RPTOR: variants seen among roughly 807,000 people sequenced by gnomAD.
RPTOR encodes the protein regulatory associated protein of MTOR complex 1.
RPTOR carries 21 observed loss-of-function variants against 169.9 expected under a neutral mutation model. The ratio of observed to expected loss-of-function variants is 0.12; its 90% confidence interval spans 0.09 to 0.18. The LOEUF (loss-of-function observed/expected upper bound fraction) is 0.18. Ranked by LOEUF, RPTOR falls within the 10% of genes least tolerant of loss-of-function variation. The probability of loss-of-function intolerance (pLI) is 1.00; values close to 1 mark genes in which losing one functional copy is unlikely to be tolerated. For missense variants in RPTOR, 1,133 were observed against 1,855.9 expected (o/e 0.61, Z 7.16); for synonymous variants, 732 against 753.2 (o/e 0.97, Z 0.46).
At chr17:80,714,953 C>T (rs1380509790) in intron 4 of RPTOR, among the ~76,000 whole-genome samples, 1 of 152,282 alleles carries the variant, frequency 6.6e-6, no homozygotes, top group Admixed American at 6.5e-5. Flanking sequence ...AAACCCCTGA[C>T]GTCAAGTGAT....
chr17:80,776,384 C>T (rs891998970), intron 6 of RPTOR, among the ~76,000 whole-genome samples: 2 of 129,636 alleles, frequency 1.5e-5, no homozygotes, highest in Middle Eastern at 5.7e-3. Context: ...AGTGCAGTGG[C>T]GTGATCTCGG....
intron 28 of RPTOR, among the ~76,000 whole-genome samples, chr17:80,955,324 C>T (rs979906419): frequency 6.6e-6 from 1 of 152,350 alleles, no homozygotes; most frequent in Middle Eastern, 3.4e-3. Context: ...TACCTCTGCG[C>T]ACTAGGGAAG....
chr17:80,846,990 T>A (rs2067738491), intron 11 of RPTOR, among the ~76,000 whole-genome samples: 1 of 152,198 alleles, frequency 6.6e-6, no homozygotes, highest in Admixed American at 6.5e-5. Context: ...CTCCTTCTCT[T>A]GGGAAGGACA....
intron 3 of RPTOR, among the ~76,000 whole-genome samples, chr17:80,678,917 C>G (rs1400124094): frequency 6.6e-6 from 1 of 152,222 alleles, no homozygotes; most frequent in Non-Finnish European, 1.5e-5. Context: ...GTGGCTTTCA[C>G]TGCTGTGTGG....
At chr17:80,832,392 G>C (rs991600760) in intron 9 of RPTOR, among the ~76,000 whole-genome samples, 2 of 152,180 alleles carry the variant, frequency 1.3e-5, no homozygotes, top group Non-Finnish European at 2.9e-5. Context: ...TCAGGCCTGG[G>C]GGACAGACTT....
chr17:80,712,523 C>T (rs2066203713), intron 4 of RPTOR, among the ~76,000 whole-genome samples: 1 of 152,162 alleles, frequency 6.6e-6, no homozygotes, highest in Non-Finnish European at 1.5e-5. Context: ...AATTACTGAG[C>T]AATACTCTAC....
chr17:80,938,479 T>G (rs2068982348), intron 24 of RPTOR, among the ~76,000 whole-genome samples: 1 of 152,248 alleles, frequency 6.6e-6, no homozygotes, highest in African/African-American at 2.4e-5. Flanking sequence ...GCGGGTTTTT[T>G]CTTATTACTG....
chr17:80,762,928 A>G (rs2143378741), intron 6 of RPTOR, among the ~76,000 whole-genome samples: 1 of 152,364 alleles, frequency 6.6e-6, no homozygotes, highest in East Asian at 1.9e-4. Flanking sequence ...ATGTTTTGAA[A>G]TAAAGTTGTA....
intron 11 of RPTOR, among the ~76,000 whole-genome samples, chr17:80,850,670 G>T (rs1487820247): frequency 6.6e-6 from 1 of 152,192 alleles, no homozygotes; most frequent in Non-Finnish European, 1.5e-5. Context: ...CTCTCTCTCC[G>T]TGCATCATTT....
At position 80,823,373 on chromosome 17, in the gene RPTOR, C is replaced by T; in HGVS notation, c.1136+150C>T. ...AACAAGTGAAGCTAAATGCAGGGCT[C>T]CCAGAGATCTCCACACAGAGGAGTG... On this transcript the variant is annotated intron_variant, in intron 9 of 33. Transcript: ENST00000306801. This position sits in a 1 kb window ranked among gnomAD's most constrained non-coding sequence, Gnocchi z 4.5. The T allele has an allele frequency of 4.2e-6, 4 of 954,742 alleles. No individual in the cohort carries two copies. In the South Asian group the frequency reaches 5.2e-5, roughly 13 times the overall value. The allele number at this position is 954,742 out of a possible 1,614,324, so 59.1% of individuals were successfully genotyped here. A position where few individuals can be genotyped will look rare whatever the true frequency, so the allele number is the denominator to read the frequency against.
chr17:80,740,289 CAT>C (rs1264157580), intron 5 of RPTOR, among the ~76,000 whole-genome samples: 5 of 152,150 alleles, frequency 3.3e-5, no homozygotes, highest in African/African-American at 1.2e-4. Flanking sequence ...TTGTCTGAAA[CAT>C]AAATCTGCAG....
intron 9 of RPTOR, among the ~76,000 whole-genome samples, chr17:80,830,651 C>G (rs1452563380): frequency 1.3e-5 from 2 of 152,196 alleles, no homozygotes; most frequent in Non-Finnish European, 2.9e-5. Context: ...GTGCGCTGCT[C>G]CAGTGGCTTC....
chr17:80,744,890 TACTAGCACTGTCCTGGC>T, intron 5 of RPTOR, among the ~76,000 whole-genome samples: 4 of 145,576 alleles, frequency 2.7e-5, no homozygotes, highest in East Asian at 2.0e-4. Context: ...CAGCCCTGGC[TACTAGCACTGTCCTGGC>T]TACTAGCACA....
intron 8 of RPTOR, among the ~76,000 whole-genome samples, chr17:80,822,694 T>C (rs1467995235): frequency 1.3e-5 from 2 of 152,252 alleles, no homozygotes; most frequent in African/African-American, 4.8e-5. Context: ...TGTACGTATA[T>C]GTGCACTGTG....
chr17:80,648,808 G>T (rs1484815352), intron 3 of RPTOR, among the ~76,000 whole-genome samples: 1 of 152,036 alleles, frequency 6.6e-6, no homozygotes. Context: ...ATTCCCACGT[G>T]CCATAGGGGG....
At chr17:80,962,856 C>A in intron 32 of RPTOR, 72 bp from the exon 33 acceptor site, 1 of 1,599,944 alleles carries the variant, frequency 6.3e-7, no homozygotes, top group South Asian at 1.1e-5. Flanking sequence ...TCCCCGCGGT[C>A]TCGGCATCTG....
At chr17:80,816,690 G>C (rs1567927766) in intron 7 of RPTOR, among the ~76,000 whole-genome samples, 1 of 152,200 alleles carries the variant, frequency 6.6e-6, no homozygotes, top group Non-Finnish European at 1.5e-5. Context: ...CCAGCCACTG[G>C]AGTGAGGGGG....
Position 80,961,197 on chromosome 17 carries a change from A to AG in RPTOR, c.3606-192dup, listed in dbSNP as rs528392514. On this transcript the variant is annotated intron_variant, in intron 30 of 33. Transcript: ENST00000306801. ...CCCTGAGCCAGCCTGGGGAGGACAC[A>AG]GGGGGTCTCTGCTGGAGCAGGTCAC... Among the ~76,000 whole-genome samples, 207 of 151,624 alleles carry AG rather than the reference A, an allele frequency of 1.4e-3. 1 individual carries two copies. The highest frequency in any genetic ancestry group is 4.7e-3 in the African/African-American group (196 of 41,542).
rs537386809 is a variant in RPTOR, at chr17:80,726,428, A to C, written c.508-4132A>C. 6.6e-6 allele frequency among the ~76,000 whole-genome samples: 1 copy of C among 152,326 alleles called. No individual in the cohort carries two copies. Among genetic ancestry groups the C allele is most frequent in the South Asian group, 2.1e-4 (1 of 4,826 alleles). ...GCCAGTGCTGTCCTAGTGCAGCAGT[A>C]CCTCATGGTTATGACGGATCATCTT... On this transcript the variant is annotated intron_variant, in intron 4 of 33. Transcript: ENST00000306801. This position sits in a 1 kb window ranked among gnomAD's most constrained non-coding sequence, Gnocchi z 4.5.
Sources: gnomAD v4.1 joint callset for allele counts (sites outside exome capture counted in the v4.1 genomes callset) on GRCh38, gnomAD v4.1.1 for gene constraint, Gnocchi (gnomAD v3.1) non-coding constraint, MANE v1.5 for transcripts, NCBI Gene and HGNC (gene_info 2026-07-23, HGNC 2026-07-21) for gene names.